TIAM1: variants seen among roughly 807,000 people sequenced by gnomAD.
The protein encoded by TIAM1 is rho guanine nucleotide exchange factor TIAM1.
In TIAM1, 65 loss-of-function variants were observed where a neutral mutation model predicts 163.5. That is an observed-to-expected ratio of 0.40 (90% CI 0.33 to 0.49). The LOEUF is 0.49. Ranked by LOEUF, TIAM1 falls within the 20% of genes least tolerant of loss-of-function variation. TIAM1 has a pLI of 0.77. For synonymous variants in TIAM1, 833 were observed against 810.1 expected (o/e 1.03, Z -0.48); for missense variants, 1,789 against 2,044.7 (o/e 0.87, Z 2.41).
chr21:31,372,391 G>C (rs1476903225), intron 2 of TIAM1, among the ~76,000 whole-genome samples: 1 of 152,160 alleles, frequency 6.6e-6, no homozygotes, highest in East Asian at 1.9e-4. Flanking sequence ...CCACTGTTAA[G>C]CTGAAAAGGT....
At chr21:31,438,664 T>C (rs1047366351) in intron 2 of TIAM1, among the ~76,000 whole-genome samples, 6 of 152,214 alleles carry the variant, frequency 3.9e-5, no homozygotes, top group African/African-American at 1.4e-4. Context: ...TCCTCTTTTG[T>C]ATCCCACTTC....
chr21:31,394,722 TCTCTCTCACACACA>T (rs1219526827), intron 2 of TIAM1, among the ~76,000 whole-genome samples: 77 of 120,814 alleles, frequency 6.4e-4, no homozygotes, highest in Non-Finnish European at 8.8e-4. Context: ...TCTCTCTCTC[TCTCTCTCACACACA>T]CACACACACA....
At position 31,127,052 on chromosome 21, in the gene TIAM1, G is replaced by A. The variant is rs1199245650; in HGVS notation, c.4133+13C>T. ...ATGTCAACACGGCCTCGACTTTACA[G>A]GCCCAGGCTCACCTGCAGCACAAGT... On this transcript the variant is annotated intron_variant, in intron 26 of 27. Transcript: ENST00000541036. The A allele has an allele frequency of 6.2e-7, 1 of 1,613,580 alleles. No homozygotes were observed. Among genetic ancestry groups the A allele is most frequent in the Admixed American group, 1.7e-5 (1 of 60,000 alleles).
chr21:31,394,695 C>T (rs1422735875), intron 2 of TIAM1, among the ~76,000 whole-genome samples: 6 of 130,838 alleles, frequency 4.6e-5, no homozygotes, highest in Non-Finnish European at 9.7e-5. Flanking sequence ...CATTCTCTCT[C>T]TCTCTCTCTC....
In TIAM1 at chr21:31,323,668, TA is replaced by T. The variant is rs1569220276; in HGVS notation, c.-189+15574del. ...CAACATGACAAAACCCCGTCTCTAC[TA>T]AAAATAAAAAAATTAGCTGGGTATG... On this transcript the variant is annotated intron_variant, in intron 2 of 27. Coordinates refer to ENST00000541036, the MANE Select transcript of TIAM1 (RefSeq NM_001353694.2). 3.3e-5 allele frequency among the ~76,000 whole-genome samples: 5 copies of T among 151,812 alleles called. No homozygotes were observed. The South Asian group carries it at 8.3e-4, about 25-fold the overall frequency.
intron 13 of TIAM1, among the ~76,000 whole-genome samples, chr21:31,193,542 T>C (rs971599611): frequency 2.6e-5 from 4 of 152,200 alleles, no homozygotes; most frequent in Non-Finnish European, 5.9e-5. Context: ...CAGGGCCCGC[T>C]GAAGCTCACA....
In TIAM1 at chr21:31,307,599, G is replaced by C. The variant is rs960154519; in HGVS notation, c.-188-30691C>G. 1.3e-5 allele frequency among the ~76,000 whole-genome samples: 2 copies of C among 152,154 alleles called. 1 individual carries two copies. The highest frequency in any genetic ancestry group is 1.3e-4 in the Admixed American group (2 of 15,272). On this transcript the variant is annotated intron_variant, in intron 2 of 27. Transcript: ENST00000541036. ...CTTGGTTTTGCTATCTGGAAATTGG[G>C]GAGGTGGGTGCGATCATCTAATTCT...
chr21:31,283,537 T>TTTTATTTA (rs369790254), intron 2 of TIAM1, among the ~76,000 whole-genome samples: 7,580 of 151,232 alleles, frequency 0.05, 666 homozygotes, highest in African/African-American at 0.17. Context: ...TCTTTCCCTT[T>TTTTATTTA]TTTATTTATT....
intron 2 of TIAM1, among the ~76,000 whole-genome samples, chr21:31,322,083 GAAAT>G (rs1239014980): frequency 1.3e-5 from 2 of 152,066 alleles, no homozygotes; most frequent in African/African-American, 4.8e-5. Flanking sequence ...AGCAGAGAAA[GAAAT>G]AAAAATCTAG....
chr21:31,266,717 C>T lies in TIAM1; in HGVS notation c.256G>A (p.Gly86Arg), dbSNP rs751635033. The stretch of plus-strand genomic sequence containing the variant: ...ACTCGGTCCACCCAGATGGGGCTCC[C>T]GAAGTCTTCTAGGGTACCATCTTGG... Reference protein sequence around the residue: ...FSQDGTLEDFGSPIWVDRVDM... With the variant: ...FSQDGTLEDFRSPIWVDRVDM... The change falls in exon 4 of 28, where the codon GGG becomes AGG. Residue 86 changes from glycine (G) to arginine (R), a missense_variant. By Grantham distance (125) the Gly-to-Arg change is moderately radical (BLOSUM62 -2). Transcript: ENST00000541036. 3.1e-6 allele frequency: 5 copies of T among 1,614,208 alleles called. No individual in the cohort carries two copies. Among genetic ancestry groups the T allele is most frequent in the Middle Eastern group, 1.6e-4 (1 of 6,062 alleles).
At chr21:31,213,597 A>G (rs1601577613) in intron 9 of TIAM1, 125 bp from the exon 10 acceptor site, 1 of 761,536 alleles carries the variant, frequency 1.3e-6, no homozygotes, top group Non-Finnish European at 2.3e-6. Flanking sequence ...ATACTCCTAC[A>G]TCAAATCCCA....
intron 1 of TIAM1, among the ~76,000 whole-genome samples, chr21:31,511,686 G>A (rs1017772959): frequency 2.6e-5 from 4 of 152,136 alleles, no homozygotes; most frequent in Non-Finnish European, 5.9e-5. Flanking sequence ...AAGAATCCTG[G>A]GTCGGGCCTC....
intron 15 of TIAM1, among the ~76,000 whole-genome samples, chr21:31,176,320 TGCTAAGATCTTTTTATAAAAACA>T (rs2084762843): frequency 6.6e-6 from 1 of 152,224 alleles, no homozygotes; most frequent in East Asian, 1.9e-4. Flanking sequence ...TCCCCTTCAC[TGCTAAGATCTTTTTATAAAAACA>T]GCCACTGAAG....
intron 1 of TIAM1, among the ~76,000 whole-genome samples, chr21:31,504,333 G>A (rs1388861120): frequency 3.3e-5 from 5 of 152,340 alleles, no homozygotes; most frequent in Middle Eastern, 6.8e-3. Flanking sequence ...CCGCTGAGAA[G>A]TGAGGAATCC....
At chr21:31,538,460 G>A (rs762737033) in intron 1 of TIAM1, among the ~76,000 whole-genome samples, 3 of 152,116 alleles carry the variant, frequency 2.0e-5, no homozygotes, top group Non-Finnish European at 2.9e-5. Context: ...GGAGAAGACC[G>A]TATCTCTATA....
chr21:31,227,471 T>A (rs1422671261), intron 6 of TIAM1, among the ~76,000 whole-genome samples: 2 of 152,204 alleles, frequency 1.3e-5, no homozygotes, highest in Non-Finnish European at 2.9e-5. Context: ...CAGCAGTTGT[T>A]ATGTGGATAA....
intron 2 of TIAM1, among the ~76,000 whole-genome samples, chr21:31,386,388 C>A (rs1425986289): frequency 6.6e-6 from 1 of 152,102 alleles, no homozygotes; most frequent in Non-Finnish European, 1.5e-5. Flanking sequence ...TGAGGATGCA[C>A]TTGGGAAATC....
At chr21:31,289,722 A>C (rs1051538702) in intron 2 of TIAM1, among the ~76,000 whole-genome samples, 1 of 152,228 alleles carries the variant, frequency 6.6e-6, no homozygotes, top group African/African-American at 2.4e-5. Flanking sequence ...ATAAGAGGAT[A>C]ATCAGCCTCT....
intron 12 of TIAM1, among the ~76,000 whole-genome samples, chr21:31,196,488 T>TTTTTGTA (rs2085866064): frequency 6.6e-6 from 1 of 150,708 alleles, no homozygotes; most frequent in Admixed American, 6.6e-5. Context: ...ATTTTTTTTT[T>TTTTTGTA]TTTTGTATTT....
Sources: allele counts gnomAD v4.1 joint callset (sites outside exome capture counted in the v4.1 genomes callset), GRCh38; gene constraint gnomAD v4.1.1; transcripts MANE v1.5; gene names NCBI Gene and HGNC (gene_info 2026-07-23, HGNC 2026-07-21).